Variants in RFTN1 observed in about 807,000 individuals in gnomAD.
The protein encoded by RFTN1 is raftlin.
In RFTN1, 26 loss-of-function variants were observed where a neutral mutation model predicts 46.5. That is an observed-to-expected ratio of 0.56 (90% confidence interval 0.41 to 0.78). The LOEUF (loss-of-function observed/expected upper bound fraction) is 0.78, where lower values mean the gene tolerates loss of function less well. Ranked by LOEUF, RFTN1 falls within the 30% of genes least tolerant of loss-of-function variation. The pLI is 0.00. For missense variants in RFTN1, 693 were observed against 718.7 expected, an observed-to-expected ratio of 0.96 and a Z score of 0.41; for synonymous variants, 261 against 284.2, an observed-to-expected ratio of 0.92 and a Z score of 0.82.
Position 16,353,259 on chromosome 3 carries a change from A to T in RFTN1, c.1146+4673T>A, listed in dbSNP as rs1009094468. The stretch of plus-strand genomic sequence containing the variant: ...CAGAGGCCAAAAGGGTGGGGAAAAG[A>T]AGTAGCTGGGTCTCAAGGGTAGAAG... On this transcript the variant is annotated intron_variant, in intron 7 of 9. Coordinates refer to ENST00000334133, the MANE Select transcript of RFTN1 (RefSeq NM_015150.2). This position sits in a 1 kb window ranked among gnomAD's most constrained non-coding sequence, Gnocchi z 5.4. Among the ~76,000 whole-genome samples, 14 of 152,216 alleles carry T rather than the reference A, an allele frequency of 9.2e-5. No homozygotes were observed. The highest frequency in any genetic ancestry group is 3.4e-4 in the African/African-American group (14 of 41,462).
Position 16,509,532 on chromosome 3 carries a change from C to T in RFTN1, c.-9+3910G>A, listed in dbSNP as rs1260645676. On this transcript the variant is annotated intron_variant, in intron 1 of 9. Coordinates refer to ENST00000334133, the MANE Select transcript of RFTN1 (RefSeq NM_015150.2). This position sits in a 1 kb window ranked among gnomAD's most constrained non-coding sequence, Gnocchi z 4.9. ...ACAACAGTGCCTGGCAAAGGGTAAG[C>T]ACTCAGCAAGTGGCAGCTATAATTA... 6.6e-6 allele frequency among the ~76,000 whole-genome samples: 1 copy of T among 152,172 alleles called. No individual in the cohort carries two copies. Among genetic ancestry groups the T allele is most frequent in the African/African-American group, 2.4e-5 (1 of 41,438 alleles).
chr3:16,480,063 A>G lies in RFTN1; in HGVS notation c.145+13662T>C, dbSNP rs575477087. Reference sequence around the variant, plus strand: ...GAGAGACCTTACTATCTTGTTCACCATTGCATGCTCAATACAGAGCCTGAA... The same window carrying G: ...GAGAGACCTTACTATCTTGTTCACCGTTGCATGCTCAATACAGAGCCTGAA... On this transcript the variant is annotated intron_variant, in intron 2 of 9. Transcript: ENST00000334133. The surrounding 1 kb of genome is among the most constrained non-coding windows in gnomAD (Gnocchi z 4.3). Among the ~76,000 whole-genome samples, 1 of 152,346 alleles carries G rather than the reference A, an allele frequency of 6.6e-6. No homozygotes were observed. Among genetic ancestry groups the G allele is most frequent in the Admixed American group, 6.5e-5 (1 of 15,306 alleles).
intron 6 of RFTN1, among the ~76,000 whole-genome samples, chr3:16,358,270 T>C (rs1156516774): frequency 1.3e-5 from 2 of 152,166 alleles, no homozygotes; most frequent in Non-Finnish European, 2.9e-5. Flanking sequence ...TATCCTTGAT[T>C]TTATGAGCCC....
intron 9 of RFTN1, 150 bp downstream of exon 9, chr3:16,323,226 T>G: frequency 3.2e-6 from 2 of 619,558 alleles, no homozygotes; most frequent in African/African-American, 1.9e-5. Context: ...CAGCCTGAGA[T>G]GTGATTCGGG....
rs2125020771 is a variant in RFTN1 at position 16,512,534 on chromosome 3, A to G, written c.-9+908T>C. Among the ~76,000 whole-genome samples, 1 of 152,272 alleles carries G rather than the reference A, an allele frequency of 6.6e-6. No homozygotes were observed. Among genetic ancestry groups the G allele is most frequent in the South Asian group, 2.1e-4 (1 of 4,830 alleles). The stretch of plus-strand genomic sequence containing the variant: ...CCACACAGGGCAGCTGAGGGCAAGC[A>G]CAGAGTCACAGACAGACAGCAGGGA... On this transcript the variant is annotated intron_variant, in intron 1 of 9. Transcript: ENST00000334133. The surrounding 1 kb of genome is among the most constrained non-coding windows in gnomAD (Gnocchi z 4.3).
In RFTN1 at chr3:16,442,129, AAAAAC is replaced by A. The variant is rs372224114; in HGVS notation, c.146-8097_146-8093del. Among the ~76,000 whole-genome samples the A allele has an allele frequency of 0.014, 2,196 of 152,270 alleles. 17 individuals carry two copies. The highest frequency in any genetic ancestry group is 0.022 in the African/African-American group (916 of 41,548). ...AACAAACTCATGTATCTGAAACTTA[AAAAAC>A]AAAACAAAACAAAACAAAACAAAAC... is the stretch of plus-strand genomic sequence containing the variant. On this transcript the variant is annotated intron_variant, in intron 2 of 9. Coordinates refer to ENST00000334133, the MANE Select transcript of RFTN1 (RefSeq NM_015150.2). This position sits in a 1 kb window ranked among gnomAD's most constrained non-coding sequence, Gnocchi z 4.1.
At chr3:16,388,057 C>A (rs1017377614) in intron 4 of RFTN1, among the ~76,000 whole-genome samples, 1 of 152,232 alleles carries the variant, frequency 6.6e-6, no homozygotes, top group African/African-American at 2.4e-5. Context: ...GATTCCCAAC[C>A]CTTGCCCTGC....
rs373498153 is a variant in RFTN1, at chr3:16,387,713, C to T, written c.442-9611G>A. Among the ~76,000 whole-genome samples the T allele has an allele frequency of 1.3e-5, 2 of 151,968 alleles. No individual in the cohort carries two copies. The highest frequency in any genetic ancestry group is 2.9e-5 in the Non-Finnish European group (2 of 67,982). ...ACCAACAATAGAAGTAAGCAAGCCTCGTCCACCCACCCGCCTCACCGACTC... is the reference window on the plus strand; with the variant it reads ...ACCAACAATAGAAGTAAGCAAGCCTTGTCCACCCACCCGCCTCACCGACTC... On this transcript the variant is annotated intron_variant, in intron 4 of 9. Coordinates refer to ENST00000334133, the MANE Select transcript of RFTN1 (RefSeq NM_015150.2). This position sits in a 1 kb window ranked among gnomAD's most constrained non-coding sequence, Gnocchi z 5.2.
At position 16,320,606 on chromosome 3, in the gene RFTN1, C is replaced by G. The variant is rs192352014; in HGVS notation, c.1332+2770G>C. ...AAAGGAGAGCTCTGAAGGAGAAGAA[C>G]GTGGTTCTTTTCCAGGGTAGTACAA... On this transcript the variant is annotated intron_variant, in intron 9 of 9. Coordinates refer to ENST00000334133, the MANE Select transcript of RFTN1 (RefSeq NM_015150.2). This position sits in a 1 kb window ranked among gnomAD's most constrained non-coding sequence, Gnocchi z 4.5. 6.6e-6 allele frequency among the ~76,000 whole-genome samples: 1 copy of G among 152,192 alleles called. No homozygotes were observed. Among genetic ancestry groups the G allele is most frequent in the Non-Finnish European group, 1.5e-5 (1 of 68,036 alleles).
Position 16,428,892 on chromosome 3 carries a change from A to C in RFTN1, c.332+4959T>G, listed in dbSNP as rs1480992514. 2.0e-5 allele frequency among the ~76,000 whole-genome samples: 3 copies of C among 152,238 alleles called. No individual in the cohort carries two copies. The highest frequency in any genetic ancestry group is 7.2e-5 in the African/African-American group (3 of 41,460). The stretch of plus-strand genomic sequence containing the variant: ...AGATCTTTAGCAACTCATTCTAAGG[A>C]AAACTACTTGAAAAAAATGAAGGAT... On this transcript the variant is annotated intron_variant, in intron 3 of 9. Transcript: ENST00000334133. This position sits in a 1 kb window ranked among gnomAD's most constrained non-coding sequence, Gnocchi z 4.7.
rs1033569342 is a variant in RFTN1 at position 16,382,482 on chromosome 3, G to A, written c.442-4380C>T. Among the ~76,000 whole-genome samples the A allele has an allele frequency of 1.3e-5, 2 of 152,244 alleles. No individual in the cohort carries two copies. The highest frequency in any genetic ancestry group is 1.3e-4 in the Admixed American group (2 of 15,296). Reference sequence around the variant, plus strand: ...GTGGGCATGCGATGTATTCATCAGGGTTCATCCCCGGCTGCCAGCTCTCCT... The same window carrying A: ...GTGGGCATGCGATGTATTCATCAGGATTCATCCCCGGCTGCCAGCTCTCCT... On this transcript the variant is annotated intron_variant, in intron 4 of 9. Transcript: ENST00000334133. The surrounding 1 kb of genome is among the most constrained non-coding windows in gnomAD (Gnocchi z 4.7).
At chr3:16,405,050 T>C (rs1248009943) in intron 4 of RFTN1, among the ~76,000 whole-genome samples, 3 of 152,140 alleles carry the variant, frequency 2.0e-5, no homozygotes, top group East Asian at 3.8e-4. Flanking sequence ...ACCTTTCCCA[T>C]AGACGCTCTC....
rs559250923 is a variant in RFTN1 at position 16,315,942 on chromosome 3, T to C, written c.*886A>G. 1 of 152,348 alleles carries C rather than the reference T, an allele frequency of 6.6e-6. No homozygotes were observed. Among genetic ancestry groups the C allele is most frequent in the East Asian group, 1.9e-4 (1 of 5,194 alleles). The allele number at this position is 152,348 out of a possible 1,614,324, so 9.4% of individuals were successfully genotyped here. A position where few individuals can be genotyped will look rare whatever the true frequency, so the allele number is the denominator to read the frequency against. On this transcript the variant is annotated 3_prime_UTR_variant, in exon 10 of 10. Coordinates refer to ENST00000334133, the MANE Select transcript of RFTN1 (RefSeq NM_015150.2). ...TGGTCAAGACAATCAGCATTCCCTC[T>C]CCAAGGTTCGCCAGTTGCATCTACC...
intron 9 of RFTN1, among the ~76,000 whole-genome samples, chr3:16,319,916 G>A (rs562252690): frequency 1.3e-5 from 2 of 152,270 alleles, no homozygotes; most frequent in South Asian, 4.2e-4. Context: ...GTAGGACCGG[G>A]GGAGTCTCTG....
At position 16,429,629 on chromosome 3, in the gene RFTN1, A is replaced by G. The variant is rs1251582118; in HGVS notation, c.332+4222T>C. On this transcript the variant is annotated intron_variant, in intron 3 of 9. Coordinates refer to ENST00000334133, the MANE Select transcript of RFTN1 (RefSeq NM_015150.2). The surrounding 1 kb of genome is among the most constrained non-coding windows in gnomAD (Gnocchi z 6.4). Reference sequence around the variant, plus strand: ...CATTTGCACTCTCTAACTTCCCACCACATAGAGCTCCTAGCACAATACTCT... The same window carrying G: ...CATTTGCACTCTCTAACTTCCCACCGCATAGAGCTCCTAGCACAATACTCT... Among the ~76,000 whole-genome samples, 2 of 152,194 alleles carry G rather than the reference A, an allele frequency of 1.3e-5. No individual in the cohort carries two copies. The highest frequency in any genetic ancestry group is 2.9e-5 in the Non-Finnish European group (2 of 68,036).
chr3:16,469,593 A>G (rs897893685), intron 2 of RFTN1, among the ~76,000 whole-genome samples: 2 of 152,168 alleles, frequency 1.3e-5, no homozygotes, highest in Admixed American at 6.5e-5. Flanking sequence ...AGGATGCCGC[A>G]CTGGGGAGCA....
chr3:16,432,305 C>A (rs939356790), intron 3 of RFTN1, among the ~76,000 whole-genome samples: 1 of 151,990 alleles, frequency 6.6e-6, no homozygotes, highest in Non-Finnish European at 1.5e-5. Context: ...CTCTCTTGAG[C>A]CCAGAAGTTC....
intron 8 of RFTN1, among the ~76,000 whole-genome samples, chr3:16,325,591 C>A (rs1049582918): frequency 6.6e-6 from 1 of 151,970 alleles, no homozygotes; most frequent in African/African-American, 2.4e-5. Context: ...GTCTTCAGGC[C>A]CCAAATCCAG....
intron 4 of RFTN1, among the ~76,000 whole-genome samples, chr3:16,404,964 C>A (rs1164309940): frequency 6.6e-6 from 1 of 152,118 alleles, no homozygotes; most frequent in African/African-American, 2.4e-5. Flanking sequence ...TCAAATGGAA[C>A]TTTTGAGAGA....
Sources: gnomAD v4.1 joint callset for allele counts (sites outside exome capture counted in the v4.1 genomes callset) on GRCh38, gnomAD v4.1.1 for gene constraint, Gnocchi (gnomAD v3.1) non-coding constraint, MANE v1.5 for transcripts, NCBI Gene and HGNC (gene_info 2026-07-23, HGNC 2026-07-21) for gene names.